The following SBF2 variants were observed in gnomAD, a reference collection of about 807,000 sequenced individuals.
SBF2 encodes the protein myotubularin-related protein 13.
Under a neutral mutation model 225.2 loss-of-function variants are expected in SBF2, and 112 were observed. The ratio of observed to expected loss-of-function variants is 0.50; its 90% CI spans 0.43 to 0.58. SBF2 has a LOEUF of 0.58. Among genes scored for constraint, SBF2 ranks in the 20% least tolerant of loss-of-function variants. The pLI, the probability that SBF2 is intolerant of heterozygous loss-of-function variation, is 0.00. For synonymous variants in SBF2, 763 were observed against 773.3 expected, an observed-to-expected ratio of 0.99 and a Z score of 0.22; for missense variants, 1,996 against 2,206.2, an observed-to-expected ratio of 0.90 and a Z score of 1.91.
At chr11:10,026,929 G>GT (rs1949077700) in intron 6 of SBF2, among the ~76,000 whole-genome samples, 1 of 152,060 alleles carries the variant, frequency 6.6e-6, no homozygotes, top group Non-Finnish European at 1.5e-5. Context: ...TGCTCAGTGA[G>GT]TAAAAACTTG....
intron 2 of SBF2, among the ~76,000 whole-genome samples, chr11:10,100,938 G>C (rs1028731035): frequency 6.6e-6 from 1 of 152,178 alleles, no homozygotes; most frequent in Non-Finnish European, 1.5e-5. Context: ...TCTAAATCAG[G>C]AAGATTTCAG....
In SBF2 at chr11:10,193,644, G is replaced by A. The variant is rs185107978; in HGVS notation, c.141+258C>T. On this transcript the variant is annotated intron_variant, in intron 2 of 39. Transcript: ENST00000256190. ...TGGGATTACAGGCATGAGCCACCGC[G>A]CCTGGCCCTCAATTTCAGCTTTAAT... Among the ~76,000 whole-genome samples the A allele has an allele frequency of 0.019, 2,903 of 152,122 alleles. 61 individuals are homozygous for A. The highest frequency in any genetic ancestry group is 0.029 in the Non-Finnish European group (1,991 of 67,990).
At chr11:10,194,028 A>G (rs774855067) in intron 1 of SBF2, 41 bp from the exon 2 acceptor site, 18 of 1,223,686 alleles carry the variant, frequency 1.5e-5, no homozygotes, top group Non-Finnish European at 2.2e-5. Context: ...ATAGGACACT[A>G]AAAACTACAA....
intron 34 of SBF2, 76 bp downstream of exon 34, chr11:9,790,480 C>G (rs558887472): frequency 3.1e-6 from 4 of 1,297,310 alleles, no homozygotes; most frequent in Non-Finnish European, 4.4e-6. Context: ...GCTTAAACTG[C>G]TTATATATGT....
chr11:10,239,449 T>C lies in SBF2; in HGVS notation c.56-45462A>G, dbSNP rs1959178892. ...TTAAACAAAATGATTAAAAATACAA[T>C]ATCAAAACTTGTGAGATGCTTCCTT... On this transcript the variant is annotated intron_variant, in intron 1 of 39. Coordinates refer to ENST00000256190, the MANE Select transcript of SBF2 (RefSeq NM_030962.4). Among the ~76,000 whole-genome samples, 3 of 150,834 alleles carry C rather than the reference T, an allele frequency of 2.0e-5. 1 individual carries two copies. The highest frequency in any genetic ancestry group is 2.0e-4 in the Admixed American group (3 of 15,104).
Position 9,930,768 on chromosome 11 carries a change from C to T in SBF2, c.1860+31189G>A, listed in dbSNP as rs942163314. On this transcript the variant is annotated intron_variant, in intron 16 of 39. Transcript: ENST00000256190. ...CTGGTTGGACAGTGGGTGCAGCCCA[C>T]GGAGGGTGAGCCGAAGCAGCGTGGG... 3.9e-5 allele frequency among the ~76,000 whole-genome samples: 6 copies of T among 152,284 alleles called. No homozygotes were observed. In the South Asian group the frequency reaches 6.2e-4, roughly 16 times the overall value.
intron 2 of SBF2, among the ~76,000 whole-genome samples, chr11:10,059,450 G>C (rs552233589): frequency 6.6e-6 from 1 of 152,140 alleles, no homozygotes; most frequent in Admixed American, 6.5e-5. Flanking sequence ...AATTCAACAA[G>C]AAGACCTAAC....
chr11:10,265,297 T>G (rs1346693759), intron 1 of SBF2, among the ~76,000 whole-genome samples: 1 of 152,128 alleles, frequency 6.6e-6, no homozygotes, highest in African/African-American at 2.4e-5. Context: ...AGATGGTTAT[T>G]TCACTGTGGT....
intron 16 of SBF2, among the ~76,000 whole-genome samples, chr11:9,908,543 C>T (rs1445481608): frequency 6.6e-6 from 1 of 152,134 alleles, no homozygotes; most frequent in Non-Finnish European, 1.5e-5. Flanking sequence ...AGGAGAATGG[C>T]GTGAACCCGG....
At chr11:9,783,951 G>C (rs1391337776) in intron 38 of SBF2, among the ~76,000 whole-genome samples, 1 of 152,218 alleles carries the variant, frequency 6.6e-6, no homozygotes, top group African/African-American at 2.4e-5. Flanking sequence ...AAGGTAACTT[G>C]TATTCTGGGG....
intron 1 of SBF2, among the ~76,000 whole-genome samples, chr11:10,234,257 G>C (rs977201918): frequency 2.0e-5 from 3 of 152,010 alleles, no homozygotes; most frequent in Non-Finnish European, 4.4e-5. Flanking sequence ...TTTTGATCTT[G>C]TAAATGCTTT....
At chr11:9,905,712 T>C (rs1311236476) in intron 16 of SBF2, among the ~76,000 whole-genome samples, 1 of 152,176 alleles carries the variant, frequency 6.6e-6, no homozygotes, top group Non-Finnish European at 1.5e-5. Context: ...GAACAAGTAA[T>C]CTTTTGTTTT....
rs60485793 is a variant in SBF2, at chr11:10,094,528, A to ATTTT, written c.142-51551_142-51548dup. Among the ~76,000 whole-genome samples the ATTTT allele has an allele frequency of 3.4e-3, 361 of 107,280 alleles. 14 individuals are homozygous for ATTTT. Among genetic ancestry groups the ATTTT allele is most frequent in the African/African-American group, 0.011 (342 of 30,308 alleles). The allele number at this position is 107,280 out of a possible 152,430, so 70.4% of individuals were successfully genotyped here. A position where few individuals can be genotyped will look rare whatever the true frequency, so the allele number is the denominator to read the frequency against. ...TTTTCCCTACTACAAATACACACAG[A>ATTTT]TTTTTTTTTTTTTTTTTTGAGACAG... On this transcript the variant is annotated intron_variant, in intron 2 of 39. Coordinates refer to ENST00000256190, the MANE Select transcript of SBF2 (RefSeq NM_030962.4).
intron 16 of SBF2, among the ~76,000 whole-genome samples, chr11:9,942,891 A>G (rs113830948): frequency 1.8e-3 from 121 of 65,508 alleles, no homozygotes; most frequent in African/African-American, 4.9e-3. Context: ...AAAGAAAAGA[A>G]AGAGAGAGAG....
Position 10,097,497 on chromosome 11 carries a change from C to A in SBF2, c.142-54516G>T, listed in dbSNP as rs372079623. 3.6e-4 allele frequency among the ~76,000 whole-genome samples: 55 copies of A among 152,180 alleles called. No homozygotes were observed. In the East Asian group the frequency reaches 9.5e-3, roughly 26 times the overall value. The stretch of plus-strand genomic sequence containing the variant: ...GGCAGAGACCACGAAACAAAATTAA[C>A]AAAATTTAAAATATTCCAAAACACA... On this transcript the variant is annotated intron_variant, in intron 2 of 39. Transcript: ENST00000256190.
chr11:10,076,344 G>A (rs1021950175), intron 2 of SBF2, among the ~76,000 whole-genome samples: 7 of 152,196 alleles, frequency 4.6e-5, no homozygotes, highest in African/African-American at 1.4e-4. Context: ...GGGGCTGCAC[G>A]AAAACCAGCC....
intron 2 of SBF2, among the ~76,000 whole-genome samples, chr11:10,147,632 G>A (rs184432740): frequency 1.1e-3 from 166 of 152,074 alleles, no homozygotes; most frequent in African/African-American, 3.9e-3. Context: ...TTTAGTACCT[G>A]GGCAATGAAA....
At chr11:9,967,969 CTCTATATA>C (rs1288361486) in intron 14 of SBF2, among the ~76,000 whole-genome samples, 8 of 87,418 alleles carry the variant, frequency 9.2e-5, no homozygotes, top group East Asian at 3.8e-4. Flanking sequence ...CTCTCTCTCT[CTCTATATA>C]TATATATATA....
At chr11:9,789,664 G>A (rs574841233) in intron 34 of SBF2, among the ~76,000 whole-genome samples, 62 of 152,208 alleles carry the variant, frequency 4.1e-4, no homozygotes, top group African/African-American at 1.5e-3. Flanking sequence ...CCTGTCCTTG[G>A]CCTCTCTTCT....
Sources: allele counts gnomAD v4.1 joint callset (sites outside exome capture counted in the v4.1 genomes callset), GRCh38; gene constraint gnomAD v4.1.1; transcripts MANE v1.5; gene names NCBI Gene and HGNC (gene_info 2026-07-23, HGNC 2026-07-21).